The following SLC25A12 variants were observed in gnomAD, a reference collection of about 807,000 sequenced individuals.
SLC25A12 encodes solute carrier family 25 member 12.
A neutral mutation model predicts 83.3 loss-of-function variants in SLC25A12; 32 were observed. The ratio of observed to expected loss-of-function variants is 0.38; its 90% CI spans 0.29 to 0.52. The LOEUF is 0.52. Among genes scored for constraint, SLC25A12 ranks in the 20% least tolerant of loss-of-function variants. The pLI is 0.84. For synonymous variants in SLC25A12, 267 were observed against 291.1 expected (o/e 0.92, Z 0.84); for missense variants, 611 against 835.6 (o/e 0.73, Z 3.31).
intron 11 of SLC25A12, among the ~76,000 whole-genome samples, chr2:171,812,799 CTTTTTT>C (rs5836353): frequency 7.0e-6 from 1 of 143,150 alleles, no homozygotes; most frequent in African/African-American, 2.6e-5. Context: ...AAGGGTTTTC[CTTTTTT>C]TTTTTTTTTT....
At chr2:171,803,808 A>ACAC in intron 13 of SLC25A12, among the ~76,000 whole-genome samples, 1 of 60,944 alleles carries the variant, frequency 1.6e-5, no homozygotes, top group Non-Finnish European at 4.4e-5. Flanking sequence ...TATTTAAAAA[A>ACAC]ATACACACAC....
rs182427945 is a variant in SLC25A12 at position 171,886,712 on chromosome 2, A to G, written c.66+6493T>C. Among the ~76,000 whole-genome samples the G allele has an allele frequency of 2.7e-3, 414 of 152,020 alleles. 13 individuals are homozygous for G. In the South Asian group the frequency reaches 0.042, roughly 16 times the overall value. ...TTTTTTGTAGAGACAGGGTTTCACC[A>G]TGTTAGCCAGGATGGTCTCAATCTC... is the stretch of plus-strand genomic sequence containing the variant. On this transcript the variant is annotated intron_variant, in intron 2 of 17. Transcript: ENST00000422440.
In SLC25A12 at chr2:171,813,455, G is replaced by C; in HGVS notation, c.1055C>G (p.Thr352Ser). 6.2e-7 allele frequency: 1 copy of C among 1,614,006 alleles called. No homozygotes were observed. The highest frequency in any genetic ancestry group is 8.5e-7 in the Non-Finnish European group (1 of 1,179,936). ...TAVYPIDLVK[T>S]RMQNQRGSGS... ...AGAGCCACGCTGGTTTTGCATTCGG[G>C]TCTTCACCAGATCTATAGGATACAC... The change falls in exon 11 of 18, where the codon ACC (threonine) becomes AGC (serine). Residue 352 changes from threonine to serine, a missense_variant. Around this residue, in one of 3 missense-constraint regions of SLC25A12, gnomAD observed 540 missense variants for 777.5 expected, o/e 0.69. Transcript: ENST00000422440.
chr2:171,860,188 T>C (rs1258916605), intron 3 of SLC25A12, among the ~76,000 whole-genome samples: 1 of 152,180 alleles, frequency 6.6e-6, no homozygotes, highest in African/African-American at 2.4e-5. Flanking sequence ...ATAAAAAAAG[T>C]CACTTGAGGT....
intron 8 of SLC25A12, among the ~76,000 whole-genome samples, chr2:171,829,175 T>C (rs1391426996): frequency 6.6e-6 from 1 of 152,146 alleles, no homozygotes; most frequent in Non-Finnish European, 1.5e-5. Flanking sequence ...CATAATATTG[T>C]ATGGCCCCAA....
At chr2:171,886,433 A>G (rs1209259358) in intron 2 of SLC25A12, among the ~76,000 whole-genome samples, 1 of 146,232 alleles carries the variant, frequency 6.8e-6, no homozygotes, top group South Asian at 2.2e-4. Context: ...GGGTTTTGCC[A>G]CGTTGCCTAG....
Position 171,820,634 on chromosome 2 carries a change from A to G in SLC25A12, c.931-5432T>C, listed in dbSNP as rs1178625679. On this transcript the variant is annotated intron_variant, in intron 9 of 17. Transcript: ENST00000422440. Reference sequence around the variant, plus strand: ...TCCCAGCTGCTTGGGAGGCTGAGGCAGGAGAATGGCGTGAACCCGGGAGGC... The same window carrying G: ...TCCCAGCTGCTTGGGAGGCTGAGGCGGGAGAATGGCGTGAACCCGGGAGGC... Among the ~76,000 whole-genome samples the G allele has an allele frequency of 3.6e-5, 5 of 139,870 alleles. 1 individual carries two copies. In the East Asian group the frequency reaches 6.1e-4, roughly 17 times the overall value. 91.8% of individuals were successfully genotyped at this position (139,870 alleles called of 152,430 possible).
intron 17 of SLC25A12, 34 bp downstream of exon 17, chr2:171,787,537 A>G (rs905962603): frequency 1.3e-6 from 2 of 1,490,944 alleles, no homozygotes; most frequent in Non-Finnish European, 1.9e-6. Flanking sequence ...GGACTTAGTG[A>G]TTTCTTTGTA....
chr2:171,855,195 T>C (rs183008923), intron 4 of SLC25A12, among the ~76,000 whole-genome samples: 1 of 152,376 alleles, frequency 6.6e-6, no homozygotes, highest in East Asian at 1.9e-4. Context: ...TGTAAAAAAG[T>C]ATCTTTAATA....
At chr2:171,799,582 T>C (rs1260912502) in intron 13 of SLC25A12, among the ~76,000 whole-genome samples, 4 of 152,120 alleles carry the variant, frequency 2.6e-5, no homozygotes, top group Non-Finnish European at 5.9e-5. Flanking sequence ...GGTGTGTGTA[T>C]GTGGTGTGTG....
At position 171,871,629 on chromosome 2, in the gene SLC25A12, A is replaced by G. The variant is rs759200555; in HGVS notation, c.67-2806T>C. ...GCCACCGTGCCGGGCCCTCACCTGT[A>G]TCTTTGTAATAGCGACTTCCTAGTT... On this transcript the variant is annotated intron_variant, in intron 2 of 17. Coordinates refer to ENST00000422440, the MANE Select transcript of SLC25A12 (RefSeq NM_003705.5). The G allele has an allele frequency of 5.2e-4, 394 of 753,706 alleles. 1 individual carries two copies. The highest frequency in any genetic ancestry group is 5.6e-4 in the Non-Finnish European group (346 of 618,734). The allele number at this position is 753,706 out of a possible 1,614,324, so 46.7% of individuals were successfully genotyped here. A position where few individuals can be genotyped will look rare whatever the true frequency, so the allele number is the denominator to read the frequency against.
At chr2:171,863,904 C>A (rs1042354560) in intron 3 of SLC25A12, among the ~76,000 whole-genome samples, 1 of 152,152 alleles carries the variant, frequency 6.6e-6, no homozygotes, top group African/African-American at 2.4e-5. Flanking sequence ...AAAAGGTATA[C>A]AAGTTTCCCA....
intron 17 of SLC25A12, among the ~76,000 whole-genome samples, chr2:171,787,293 C>G (rs970489451): frequency 2.6e-5 from 4 of 152,174 alleles, no homozygotes; most frequent in African/African-American, 9.7e-5. Context: ...CCACTGCACT[C>G]CAGCCTGGGC....
chr2:171,878,317 T>C (rs1218311970), intron 2 of SLC25A12, among the ~76,000 whole-genome samples: 1 of 152,212 alleles, frequency 6.6e-6, no homozygotes, highest in East Asian at 1.9e-4. Flanking sequence ...TGCAGAAAAA[T>C]TGCTGTCCTA....
intron 13 of SLC25A12, among the ~76,000 whole-genome samples, chr2:171,796,521 A>C (rs1328482175): frequency 1.3e-5 from 2 of 152,206 alleles, no homozygotes; most frequent in Admixed American, 6.5e-5. Context: ...ATTAACATAC[A>C]AGCCAAGTGC....
Position 171,809,542 on chromosome 2 carries a change from A to G in SLC25A12, c.1305+64T>C, listed in dbSNP as rs893142836. ...GAGAAATGCCACTAAGATATCTATT[A>G]TATCTGTGCAAAAAGGTCAACGGAA... On this transcript the variant is annotated intron_variant, in intron 13 of 17. Coordinates refer to ENST00000422440, the MANE Select transcript of SLC25A12 (RefSeq NM_003705.5). 13 of 1,202,438 alleles carry G rather than the reference A, an allele frequency of 1.1e-5. 1 individual carries two copies. The highest frequency in any genetic ancestry group is 9.0e-5 in the African/African-American group (6 of 67,024). The allele number at this position is 1,202,438 out of a possible 1,614,324, so 74.5% of individuals were successfully genotyped here.
chr2:171,809,471 T>C, intron 13 of SLC25A12, 135 bp downstream of exon 13: 1 of 768,230 alleles, frequency 1.3e-6, no homozygotes, highest in South Asian at 1.5e-5. Context: ...TAAAACTTAT[T>C]CCATATGATT....
intron 3 of SLC25A12, among the ~76,000 whole-genome samples, chr2:171,859,175 C>G (rs1685099962): frequency 6.6e-6 from 1 of 151,994 alleles, no homozygotes; most frequent in South Asian, 2.1e-4. Context: ...GTAAGTAGAC[C>G]ACTATTATAA....
In SLC25A12 at chr2:171,783,947, A is replaced by G. The variant is rs921662157; in HGVS notation, c.*1327T>C. Among the ~76,000 whole-genome samples, 3 of 152,190 alleles carry G rather than the reference A, an allele frequency of 2.0e-5. No homozygotes were observed. Among genetic ancestry groups the G allele is most frequent in the Non-Finnish European group, 4.4e-5 (3 of 68,040 alleles). On this transcript the variant is annotated 3_prime_UTR_variant, in exon 18 of 18. Coordinates refer to ENST00000422440, the MANE Select transcript of SLC25A12 (RefSeq NM_003705.5). Reference sequence around the variant, plus strand: ...AGGCTCGCCTCTTGAAAATATTTGCATACATTCTCATATCCCAGCTTACTG... The same window carrying G: ...AGGCTCGCCTCTTGAAAATATTTGCGTACATTCTCATATCCCAGCTTACTG...
Sources: gnomAD v4.1 joint callset for allele counts (sites outside exome capture counted in the v4.1 genomes callset) on GRCh38, gnomAD v4.1.1 for gene constraint, gnomAD v4.1.1 regional missense constraint, MANE v1.5 for transcripts, NCBI Gene and HGNC (gene_info 2026-07-23, HGNC 2026-07-21) for gene names.